Variants in SNTG1 observed in about 807,000 individuals in gnomAD.
SNTG1 encodes gamma-1-syntrophin.
A neutral mutation model predicts 74.7 loss-of-function variants in SNTG1; 39 were observed. That is an observed-to-expected ratio of 0.52 (90% CI 0.40 to 0.68). The LOEUF is 0.68. SNTG1 is among the 30% of genes least tolerant of loss of function. SNTG1 has a pLI of 0.00. For missense variants in SNTG1, 685 were observed against 609.5 expected (o/e 1.12, Z -1.30); for synonymous variants, 254 against 217.1 (o/e 1.17, Z -1.49).
rs376756735 is a variant in SNTG1 at position 50,704,713 on chromosome 8, C to T, written c.1152C>T (p.Ala384=). ...GTGACCTCGCCCAGTGGGAAAGAGC[C>T]TTCCAGACAGCAACCTTTCTAGAAG... ...LESDLAQWER[A]FQTATFLEVE... Residue 384 remains alanine (A), a synonymous_variant, in exon 16 of 19, where the codon GCC becomes GCT. Coordinates refer to ENST00000642720, the MANE Select transcript of SNTG1 (RefSeq NM_018967.5). 7.4e-6 allele frequency: 12 copies of T among 1,614,000 alleles called. No individual in the cohort carries two copies. The African/African-American group carries it at 1.5e-4, about 20-fold the overall frequency.
chr8:50,007,323 C>T (rs1166293375), intron 1 of SNTG1, among the ~76,000 whole-genome samples: 2 of 152,080 alleles, frequency 1.3e-5, no homozygotes, highest in African/African-American at 2.4e-5. Flanking sequence ...TCTCTTTGAA[C>T]ATTTCAGAAC....
At chr8:50,371,941 C>T (rs1597432) in intron 2 of SNTG1, among the ~76,000 whole-genome samples, 38,927 of 151,916 alleles carry the variant, frequency 0.26, 5,320 homozygotes, top group South Asian at 0.35. Flanking sequence ...CTCCTGTAGA[C>T]GGCATGTAGT....
chr8:50,385,642 A>G (rs189548784), intron 2 of SNTG1, among the ~76,000 whole-genome samples: 2 of 152,192 alleles, frequency 1.3e-5, no homozygotes, highest in Non-Finnish European at 1.5e-5. Flanking sequence ...AGGGCTGAAG[A>G]TTGATACATC....
At chr8:49,995,270 A>T (rs979377015) in intron 1 of SNTG1, among the ~76,000 whole-genome samples, 2 of 152,204 alleles carry the variant, frequency 1.3e-5, no homozygotes, top group African/African-American at 4.8e-5. Flanking sequence ...AGCTATATGA[A>T]TATTTGTGGG....
chr8:50,092,212 C>G (rs149796195), intron 1 of SNTG1, among the ~76,000 whole-genome samples: 1 of 152,098 alleles, frequency 6.6e-6, no homozygotes, highest in Non-Finnish European at 1.5e-5. Context: ...GGACTTCATA[C>G]GTGGGGATGA....
chr8:50,139,421 T>A (rs1007785594), intron 1 of SNTG1, among the ~76,000 whole-genome samples: 10 of 152,304 alleles, frequency 6.6e-5, no homozygotes, highest in South Asian at 6.2e-4. Flanking sequence ...GTGTAAGCTT[T>A]TAGGCTTTAA....
intron 1 of SNTG1, among the ~76,000 whole-genome samples, chr8:50,076,079 C>T (rs1001422793): frequency 1.5e-4 from 23 of 152,270 alleles, no homozygotes; most frequent in African/African-American, 5.3e-4. Context: ...AATCCAATAT[C>T]TGTAAAGTGC....
intron 2 of SNTG1, among the ~76,000 whole-genome samples, chr8:50,191,190 T>C (rs1227528603): frequency 6.6e-6 from 1 of 152,152 alleles, no homozygotes; most frequent in Non-Finnish European, 1.5e-5. Context: ...TATATTATGC[T>C]GTGGTGTTTC....
intron 1 of SNTG1, among the ~76,000 whole-genome samples, chr8:50,052,385 T>A (rs1403822430): frequency 1.3e-5 from 2 of 152,088 alleles, no homozygotes; most frequent in Non-Finnish European, 2.9e-5. Flanking sequence ...CAAAAAGAAT[T>A]AAGTTGGATG....
At chr8:50,462,760 C>T (rs537346835) in intron 8 of SNTG1, among the ~76,000 whole-genome samples, 4 of 132,140 alleles carry the variant, frequency 3.0e-5, no homozygotes, top group South Asian at 4.8e-4. Flanking sequence ...GTTTTCATGA[C>T]GTGGCAGCAA....
intron 1 of SNTG1, among the ~76,000 whole-genome samples, chr8:50,006,894 G>C (rs1815293862): frequency 6.6e-6 from 1 of 152,160 alleles, no homozygotes; most frequent in African/African-American, 2.4e-5. Context: ...ATGGGCTCAA[G>C]GTCACCTTTG....
At chr8:50,274,804 A>G (rs111956125) in intron 2 of SNTG1, among the ~76,000 whole-genome samples, 9,408 of 152,256 alleles carry the variant, frequency 0.062, 326 homozygotes, top group South Asian at 0.076. Flanking sequence ...ATGTATTGAT[A>G]TGATCATACG....
At chr8:50,316,515 C>A (rs2090324165) in intron 2 of SNTG1, among the ~76,000 whole-genome samples, 1 of 152,088 alleles carries the variant, frequency 6.6e-6, no homozygotes, top group Non-Finnish European at 1.5e-5. Context: ...TTTGGTCACT[C>A]TATTATATAG....
intron 2 of SNTG1, among the ~76,000 whole-genome samples, chr8:50,385,216 C>A (rs1471208828): frequency 2.0e-5 from 3 of 152,188 alleles, no homozygotes; most frequent in Non-Finnish European, 4.4e-5. Context: ...TTCTCCTGTT[C>A]TGGACCCCAC....
At chr8:50,188,289 T>G (rs575470884) in intron 2 of SNTG1, among the ~76,000 whole-genome samples, 1 of 152,226 alleles carries the variant, frequency 6.6e-6, no homozygotes, top group East Asian at 1.9e-4. Context: ...CTTCAGCTCA[T>G]GAATCATTGT....
At chr8:50,330,613 T>C (rs1270531305) in intron 2 of SNTG1, among the ~76,000 whole-genome samples, 2 of 152,182 alleles carry the variant, frequency 1.3e-5, no homozygotes, top group East Asian at 3.9e-4. Flanking sequence ...ATTTACTATA[T>C]TAATCTGTTT....
chr8:50,211,805 A>G (rs1469207731), intron 2 of SNTG1, among the ~76,000 whole-genome samples: 1 of 152,170 alleles, frequency 6.6e-6, no homozygotes, highest in African/African-American at 2.4e-5. Context: ...TACATTTGAC[A>G]GTATCTGACA....
intron 1 of SNTG1, among the ~76,000 whole-genome samples, chr8:49,934,953 A>C (rs1413590718): frequency 2.6e-5 from 4 of 152,228 alleles, no homozygotes; most frequent in Admixed American, 2.6e-4. Context: ...ACATATTTTC[A>C]AAAGAAACTA....
chr8:50,760,630 G>A (rs2095595799), intron 18 of SNTG1, among the ~76,000 whole-genome samples: 1 of 151,712 alleles, frequency 6.6e-6, no homozygotes, highest in Non-Finnish European at 1.5e-5. Context: ...CCTCTAGTCA[G>A]ACTAATAAAG....
Sources: gnomAD v4.1 joint callset for allele counts (sites outside exome capture counted in the v4.1 genomes callset) on GRCh38, gnomAD v4.1.1 for gene constraint, MANE v1.5 for transcripts, NCBI Gene and HGNC (gene_info 2026-07-23, HGNC 2026-07-21) for gene names.